The following ARHGAP22 variants were observed in gnomAD, a reference collection of about 807,000 sequenced individuals.
The protein encoded by ARHGAP22 is rho GTPase-activating protein 22.
Under a neutral mutation model 59.1 loss-of-function variants are expected in ARHGAP22, and 48 were observed. The ratio of observed to expected loss-of-function variants is 0.81; its 90% CI spans 0.64 to 1.03. The LOEUF is 1.03. Ranked by LOEUF, ARHGAP22 falls within the 50% of genes least tolerant of loss-of-function variation. ARHGAP22 has a pLI of 0.00. For missense variants in ARHGAP22, 1,015 were observed against 958.7 expected, an observed-to-expected ratio of 1.06 and a Z score of -0.78; for synonymous variants, 445 against 416.4, an observed-to-expected ratio of 1.07 and a Z score of -0.84.
chr10:48,626,850 T>A (rs1222506704), intron 1 of ARHGAP22, among the ~76,000 whole-genome samples: 2 of 151,874 alleles, frequency 1.3e-5, no homozygotes, highest in African/African-American at 4.8e-5. Flanking sequence ...GTTAAGGAGG[T>A]GACTGTGGGA....
intron 3 of ARHGAP22, among the ~76,000 whole-genome samples, chr10:48,492,657 G>A (rs879349552): frequency 5.9e-5 from 9 of 152,034 alleles, no homozygotes; most frequent in Non-Finnish European, 1.3e-4. Flanking sequence ...AGGTTCAAGT[G>A]ATTCTCCTGC....
intron 3 of ARHGAP22, among the ~76,000 whole-genome samples, chr10:48,542,395 C>A (rs918012076): frequency 1.5e-4 from 23 of 152,318 alleles, no homozygotes; most frequent in African/African-American, 5.3e-4. Flanking sequence ...TCTTGAAATT[C>A]TTAATCATTC....
chr10:48,513,934 A>C (rs186033070), intron 3 of ARHGAP22, among the ~76,000 whole-genome samples: 200 of 152,352 alleles, frequency 1.3e-3, no homozygotes, highest in African/African-American at 4.6e-3. Context: ...CACCAATTAC[A>C]GAATGTCAAT....
At chr10:48,491,174 G>T (rs1355770635) in intron 3 of ARHGAP22, among the ~76,000 whole-genome samples, 1 of 152,082 alleles carries the variant, frequency 6.6e-6, no homozygotes, top group Non-Finnish European at 1.5e-5. Flanking sequence ...AGGCCTCGCA[G>T]TGAGCCTGAA....
At chr10:48,512,382 C>G (rs939181100) in intron 3 of ARHGAP22, among the ~76,000 whole-genome samples, 4 of 152,210 alleles carry the variant, frequency 2.6e-5, no homozygotes, top group Non-Finnish European at 5.9e-5. Context: ...ATCTCTAAAA[C>G]AGGACAATTA....
intron 3 of ARHGAP22, among the ~76,000 whole-genome samples, chr10:48,519,215 TGCC>T (rs1396987672): frequency 2.0e-5 from 3 of 152,150 alleles, no homozygotes; most frequent in African/African-American, 7.2e-5. Flanking sequence ...GTAACAGCCA[TGCC>T]TCCTGACCTC....
chr10:48,586,486 G>A (rs145586659), intron 1 of ARHGAP22, among the ~76,000 whole-genome samples: 20 of 152,284 alleles, frequency 1.3e-4, no homozygotes, highest in African/African-American at 4.3e-4. Context: ...TGCAGAATTT[G>A]TTTCCTAAAG....
rs554299256 is a variant in ARHGAP22 at position 48,616,264 on chromosome 10, T to A, written c.53-33112A>T. Among the ~76,000 whole-genome samples the A allele has an allele frequency of 2.0e-5, 3 of 152,318 alleles. No individual in the cohort carries two copies. The South Asian group carries it at 6.2e-4, about 32-fold the overall frequency. On this transcript the variant is annotated intron_variant, in intron 1 of 9. Transcript: ENST00000435790. ...AACGGACTACAATATAGTGAAAAGA[T>A]AACTTCCATTTGCACCGGGAAACCA... is the stretch of plus-strand genomic sequence containing the variant.
intron 3 of ARHGAP22, among the ~76,000 whole-genome samples, chr10:48,513,345 G>A (rs1172233405): frequency 3.3e-5 from 5 of 152,186 alleles, no homozygotes; most frequent in African/African-American, 1.2e-4. Flanking sequence ...ATGCCATTGT[G>A]GAGGAAAGAC....
intron 1 of ARHGAP22, among the ~76,000 whole-genome samples, chr10:48,629,176 CA>C (rs1156848729): frequency 6.6e-6 from 1 of 152,206 alleles, no homozygotes; most frequent in Admixed American, 6.5e-5. Flanking sequence ...CAGCCACCAC[CA>C]ATGGCTGGTC....
chr10:48,577,473 C>T (rs1385748082), intron 2 of ARHGAP22, among the ~76,000 whole-genome samples: 3 of 152,154 alleles, frequency 2.0e-5, no homozygotes, highest in Non-Finnish European at 4.4e-5. Flanking sequence ...GGTCCACCTC[C>T]GCCATTTTAC....
chr10:48,447,535 C>G (rs545731746), intron 9 of ARHGAP22, among the ~76,000 whole-genome samples: 1 of 152,190 alleles, frequency 6.6e-6, no homozygotes, highest in Non-Finnish European at 1.5e-5. Context: ...AACGAAGCCT[C>G]CATCCTCATC....
intron 3 of ARHGAP22, chr10:48,493,702 T>C (rs2050641998): frequency 1.5e-6 from 2 of 1,348,498 alleles, no homozygotes; most frequent in South Asian, 1.9e-5. Context: ...TGGGACTGTC[T>C]GGGGCGGGGC....
Position 48,630,241 on chromosome 10 carries a change from G to A in ARHGAP22, c.52+21993C>T, listed in dbSNP as rs377336187. On this transcript the variant is annotated intron_variant, in intron 1 of 9. Coordinates refer to the ARHGAP22 transcript ENST00000435790. ...TGACTAGCTGGGACTACAGGCCCCC[G>A]CCACCTCGCTCGGCTAATTTTTGTA... Among the ~76,000 whole-genome samples, 65 of 152,156 alleles carry A rather than the reference G, an allele frequency of 4.3e-4. 1 individual carries two copies. The highest frequency in any genetic ancestry group is 1.2e-3 in the South Asian group (6 of 4,814).
Position 48,459,850 on chromosome 10 carries a change from G to C in ARHGAP22, c.493C>G (p.Arg165Gly). The C allele has an allele frequency of 6.2e-7, 1 of 1,613,206 alleles. No homozygotes were observed. The highest frequency in any genetic ancestry group is 8.5e-7 in the Non-Finnish European group (1 of 1,180,034). Residue 165 changes from arginine to glycine, a missense_variant, in exon 5 of 10, where the codon CGG becomes GGG. By Grantham distance (125) the Arg-to-Gly change is moderately radical (BLOSUM62 -2). Coordinates refer to ENST00000249601, the MANE Select transcript of ARHGAP22 (RefSeq NM_021226.4). ...QRLEETVHHE[R>G]KYGPRLAPLL... ...GGCGCCAGGCGGGGGCCATACTTCC[G>C]CTCGTGGTGGACTGTTTCCTCTAGG... is the stretch of plus-strand genomic sequence containing the variant.
At chr10:48,463,767 C>T (rs1305435632) in intron 4 of ARHGAP22, among the ~76,000 whole-genome samples, 1 of 152,204 alleles carries the variant, frequency 6.6e-6, no homozygotes, top group East Asian at 1.9e-4. Context: ...GGACACTCCC[C>T]TCTGCTGGGT....
At position 48,456,523 on chromosome 10, in the gene ARHGAP22, G is replaced by A. The variant is rs543797379; in HGVS notation, c.660-1389C>T. Reference sequence around the variant, plus strand: ...CTGGGTACCCAGGCTTGAGCCCAGCGGCCCCTTCCCCACTGGGAGCCCGTG... The same window carrying A: ...CTGGGTACCCAGGCTTGAGCCCAGCAGCCCCTTCCCCACTGGGAGCCCGTG... On this transcript the variant is annotated intron_variant, in intron 5 of 9. Coordinates refer to ENST00000249601, the MANE Select transcript of ARHGAP22 (RefSeq NM_021226.4). Among the ~76,000 whole-genome samples the A allele has an allele frequency of 3.3e-5, 5 of 152,244 alleles. No individual in the cohort carries two copies. The East Asian group carries it at 5.8e-4, about 18-fold the overall frequency.
upstream of ARHGAP22, among the ~76,000 whole-genome samples, chr10:48,608,141 A>G (rs1040576602): frequency 6.6e-6 from 1 of 152,180 alleles, no homozygotes; most frequent in African/African-American, 2.4e-5. Flanking sequence ...TTAGAAGACA[A>G]CTGCACATGG....
chr10:48,522,602 T>G (rs2053908347), intron 3 of ARHGAP22, among the ~76,000 whole-genome samples: 1 of 152,138 alleles, frequency 6.6e-6, no homozygotes, highest in South Asian at 2.1e-4. Flanking sequence ...GGGGGTGAAA[T>G]CCTGGGCTCT....
Sources: gnomAD v4.1 joint callset for allele counts (sites outside exome capture counted in the v4.1 genomes callset) on GRCh38, gnomAD v4.1.1 for gene constraint, MANE v1.5 for transcripts, NCBI Gene and HGNC (gene_info 2026-07-23, HGNC 2026-07-21) for gene names.